Variants in KIAA2012 observed in about 807,000 individuals in gnomAD.
KIAA2012 encodes uncharacterized protein KIAA2012.
KIAA2012 carries 125 observed loss-of-function variants against 150.6 expected under a neutral mutation model. The ratio of observed to expected loss-of-function variants is 0.83; its 90% CI spans 0.72 to 0.96. The LOEUF is 0.96. Ranked by LOEUF, KIAA2012 falls within the 40% of genes least tolerant of loss-of-function variation. KIAA2012 has a pLI of 0.00. For missense variants in KIAA2012, 1,219 were observed against 1,354.9 expected (o/e 0.90, Z 1.57); for synonymous variants, 462 against 504.7 (o/e 0.92, Z 1.13).
At chr2:202,201,820 A>G in intron 22 of KIAA2012, 1 of 1,294,590 alleles carries the variant, frequency 7.7e-7, no homozygotes, top group Non-Finnish European at 1.1e-6. Context: ...GTCTGAGGGT[A>G]GACTGGATTC....
At chr2:202,192,440 T>G (rs374215712) in intron 19 of KIAA2012, among the ~76,000 whole-genome samples, 1 of 150,618 alleles carries the variant, frequency 6.6e-6, no homozygotes, top group Non-Finnish European at 1.5e-5. Flanking sequence ...AGATTGCCCC[T>G]GGTAAAATAG....
chr2:202,082,279 CAA>C (rs1689467633), intron 2 of KIAA2012, among the ~76,000 whole-genome samples: 1 of 152,074 alleles, frequency 6.6e-6, no homozygotes, highest in Non-Finnish European at 1.5e-5. Flanking sequence ...CACTTGAGCC[CAA>C]GAGATCGAGG....
At chr2:202,182,212 T>C (rs892583260) in intron 15 of KIAA2012, among the ~76,000 whole-genome samples, 1 of 151,060 alleles carries the variant, frequency 6.6e-6, no homozygotes, top group Non-Finnish European at 1.5e-5. Context: ...CCTCCCGGGT[T>C]CAAGCCATTC....
intron 16 of KIAA2012, among the ~76,000 whole-genome samples, chr2:202,186,226 C>T (rs959573184): frequency 1.3e-5 from 2 of 152,074 alleles, no homozygotes; most frequent in Non-Finnish European, 2.9e-5. Flanking sequence ...ATTCAGAGGG[C>T]ATATTGCCAG....
intron 11 of KIAA2012, among the ~76,000 whole-genome samples, chr2:202,117,338 T>C (rs2105932402): frequency 6.6e-6 from 1 of 152,308 alleles, no homozygotes; most frequent in East Asian, 1.9e-4. Flanking sequence ...GGGGTAAACA[T>C]AGGCTAAGTG....
At chr2:202,096,521 G>A (rs1283518858) in intron 4 of KIAA2012, among the ~76,000 whole-genome samples, 3 of 152,194 alleles carry the variant, frequency 2.0e-5, no homozygotes, top group Non-Finnish European at 4.4e-5. Context: ...CCACCTGTGG[G>A]CAATTGACTC....
intron 15 of KIAA2012, among the ~76,000 whole-genome samples, chr2:202,171,847 CTTTT>C (rs60916677): frequency 8.6e-6 from 1 of 116,722 alleles, no homozygotes; most frequent in Non-Finnish European, 1.6e-5. Context: ...TTGGCATTTA[CTTTT>C]TTTTTTTTTT....
chr2:202,125,405 G>A (rs2105936676), intron 12 of KIAA2012, 123 bp downstream of exon 12: 1 of 734,158 alleles, frequency 1.4e-6, no homozygotes, highest in Non-Finnish European at 2.3e-6. Context: ...ATAAGTAGCA[G>A]AGAGGATTTG....
chr2:202,147,130 G>A (rs1350737652), intron 13 of KIAA2012, among the ~76,000 whole-genome samples: 1 of 152,132 alleles, frequency 6.6e-6, no homozygotes, highest in Non-Finnish European at 1.5e-5. Context: ...TTTAAAGGAG[G>A]ACAATGAGTC....
intron 15 of KIAA2012, among the ~76,000 whole-genome samples, chr2:202,168,105 C>G (rs1691808372): frequency 6.6e-6 from 1 of 152,006 alleles, no homozygotes; most frequent in Non-Finnish European, 1.5e-5. Context: ...GAAGAGTTAA[C>G]TATGTAATGT....
chr2:202,194,990 G>A (rs1186991398), intron 21 of KIAA2012, among the ~76,000 whole-genome samples: 1 of 151,576 alleles, frequency 6.6e-6, no homozygotes, highest in African/African-American at 2.4e-5. Context: ...GGCTGGTCTC[G>A]AACTCCTGAC....
chr2:202,076,662 G>A (rs1689330791), intron 2 of KIAA2012, among the ~76,000 whole-genome samples: 1 of 152,192 alleles, frequency 6.6e-6, no homozygotes, highest in Non-Finnish European at 1.5e-5. Context: ...GGGTAGATAA[G>A]TGATTTGCCC....
intron 12 of KIAA2012, 33 bp from the exon 13 acceptor site, chr2:202,138,399 T>A: frequency 6.6e-7 from 1 of 1,507,332 alleles, no homozygotes; most frequent in Non-Finnish European, 9.0e-7. Flanking sequence ...TCTGACCACC[T>A]TGATCTTTTT....
chr2:202,196,194 T>TC (rs1559235311), intron 21 of KIAA2012, among the ~76,000 whole-genome samples: 3 of 131,148 alleles, frequency 2.3e-5, no homozygotes, highest in African/African-American at 8.7e-5. Context: ...TTCTTTTTTT[T>TC]TTTTTTTTTT....
Position 202,099,559 on chromosome 2 carries a change from C to T in KIAA2012, c.829-54C>T, listed in dbSNP as rs906406127. 5.6e-6 allele frequency: 8 copies of T among 1,431,754 alleles called. No homozygotes were observed. In the African/African-American group the frequency reaches 1.1e-4, roughly 20 times the overall value. The allele number at this position is 1,431,754 out of a possible 1,614,324, so 88.7% of individuals were successfully genotyped here. A position where few individuals can be genotyped will look rare whatever the true frequency, so the allele number is the denominator to read the frequency against. On this transcript the variant is annotated intron_variant, in intron 5 of 23. Coordinates refer to ENST00000498697, the MANE Select transcript of KIAA2012 (RefSeq NM_001277372.4). ...CCACAAGGGCTGTTAAAGAAACCTG[C>T]TCTGCCCCTTTATGACAGCCTGTTT...
At chr2:202,156,984 CT>C (rs1214154088) in intron 14 of KIAA2012, among the ~76,000 whole-genome samples, 2 of 152,114 alleles carry the variant, frequency 1.3e-5, no homozygotes, top group African/African-American at 4.8e-5. Context: ...TTGTATTACA[CT>C]TTTTTTGTCC....
chr2:202,174,918 A>G (rs1315601731), intron 15 of KIAA2012, among the ~76,000 whole-genome samples: 1 of 152,242 alleles, frequency 6.6e-6, no homozygotes, highest in African/African-American at 2.4e-5. Flanking sequence ...TAACATAATC[A>G]TGATACCATT....
chr2:202,113,691 A>G, intron 11 of KIAA2012: 2 of 500,606 alleles, frequency 4.0e-6, no homozygotes, highest in Non-Finnish European at 7.2e-6. Flanking sequence ...ATGGCTTGGA[A>G]GAGGTCTAAT....
intron 15 of KIAA2012, among the ~76,000 whole-genome samples, chr2:202,171,052 G>T (rs190425951): frequency 4.0e-5 from 6 of 151,716 alleles, no homozygotes; most frequent in Non-Finnish European, 7.4e-5. Flanking sequence ...TCAAAAAGAG[G>T]GTTCGCCCCC....
Sources: allele counts gnomAD v4.1 joint callset (sites outside exome capture counted in the v4.1 genomes callset), GRCh38; gene constraint gnomAD v4.1.1; transcripts MANE v1.5; gene names NCBI Gene and HGNC (gene_info 2026-07-23, HGNC 2026-07-21).